ENTHD1: variants seen among roughly 807,000 people sequenced by gnomAD.
ENTHD1 encodes the protein ENTH domain-containing protein 1.
Under a neutral mutation model 39.1 loss-of-function variants are expected in ENTHD1, and 23 were observed. The ratio of observed to expected loss-of-function variants is 0.59; its 90% confidence interval spans 0.42 to 0.83. The LOEUF (loss-of-function observed/expected upper bound fraction) is 0.83, where lower values mean the gene tolerates loss of function less well. Among genes scored for constraint, ENTHD1 ranks in the 40% least tolerant of loss-of-function variants. ENTHD1 has a pLI of 0.00. For synonymous variants in ENTHD1, 230 were observed against 258.2 expected (o/e 0.89, Z 1.05); for missense variants, 624 against 705.4 (o/e 0.88, Z 1.31).
chr22:39,751,489 A>T lies in ENTHD1; in HGVS notation c.1220-7206T>A, dbSNP rs552465230. 3.3e-5 allele frequency among the ~76,000 whole-genome samples: 5 copies of T among 152,362 alleles called. No homozygotes were observed. In the South Asian group the frequency reaches 1.0e-3, roughly 32 times the overall value. ...TGGAAGATCCAGCAATCAACTGGCT[A>T]CTGATGATAATTAGATGTACAGATG... On this transcript the variant is annotated intron_variant, in intron 6 of 6. Coordinates refer to ENST00000325157, the MANE Select transcript of ENTHD1 (RefSeq NM_152512.4).
chr22:39,867,038 G>A lies in ENTHD1; in HGVS notation c.350-5031C>T, dbSNP rs1257282856. Among the ~76,000 whole-genome samples the A allele has an allele frequency of 1.3e-5, 2 of 152,152 alleles. No homozygotes were observed. The highest frequency in any genetic ancestry group is 1.9e-4 in the East Asian group (1 of 5,192). ...CTGCCTCAGCCTCCGGAGTAGCTGG[G>A]ACTACAGGCGCCCGCCACCAGGCCC... On this transcript the variant is annotated intron_variant, in intron 2 of 6. Transcript: ENST00000325157. This position sits in a 1 kb window ranked among gnomAD's most constrained non-coding sequence, Gnocchi z 4.5.
intron 3 of ENTHD1, among the ~76,000 whole-genome samples, chr22:39,849,447 C>G (rs1456070594): frequency 6.6e-6 from 1 of 152,084 alleles, no homozygotes. Flanking sequence ...TGATCTGTTT[C>G]AAAATATCAA....
At chr22:39,881,163 C>A (rs1019146144) in intron 2 of ENTHD1, among the ~76,000 whole-genome samples, 2 of 152,188 alleles carry the variant, frequency 1.3e-5, no homozygotes, top group East Asian at 1.9e-4. Flanking sequence ...TATTTTTAAA[C>A]GCTACGTTAG....
chr22:39,892,610 G>C (rs1238688889), intron 1 of ENTHD1, among the ~76,000 whole-genome samples: 1 of 152,226 alleles, frequency 6.6e-6, no homozygotes, highest in African/African-American at 2.4e-5. Context: ...AAAAGTTTTT[G>C]GATTTCAGGA....
chr22:39,848,222 G>C (rs2066006524), intron 3 of ENTHD1, among the ~76,000 whole-genome samples: 1 of 151,982 alleles, frequency 6.6e-6, no homozygotes, highest in Non-Finnish European at 1.5e-5. Context: ...ACCAGCTAGA[G>C]AAAACTCTCT....
chr22:39,822,183 G>T lies in ENTHD1; in HGVS notation c.712-1070C>A, dbSNP rs569025163. ...AAATCAAGTCTATAGAGTGGGTTTAGCTGGTATGTCTTTTTTTTTTTCTGT... is the reference window on the plus strand; with the variant it reads ...AAATCAAGTCTATAGAGTGGGTTTATCTGGTATGTCTTTTTTTTTTTCTGT... On this transcript the variant is annotated intron_variant, in intron 4 of 6. Transcript: ENST00000325157. 3.6e-4 allele frequency among the ~76,000 whole-genome samples: 54 copies of T among 149,422 alleles called. 1 individual carries two copies. The highest frequency in any genetic ancestry group is 1.2e-3 in the African/African-American group (51 of 41,376).
chr22:39,807,293 T>C (rs749677735), intron 5 of ENTHD1, among the ~76,000 whole-genome samples: 1 of 152,116 alleles, frequency 6.6e-6, no homozygotes, highest in Non-Finnish European at 1.5e-5. Context: ...TCAGACGCAA[T>C]AAAAACTCCT....
chr22:39,750,471 G>A (rs2146533485), intron 6 of ENTHD1: 1 of 154,580 alleles, frequency 6.5e-6, no homozygotes, highest in African/African-American at 2.4e-5. Flanking sequence ...ACAAACCAGT[G>A]AAAAATGATC....
intron 4 of ENTHD1, among the ~76,000 whole-genome samples, chr22:39,828,136 G>T (rs2065840308): frequency 1.3e-5 from 2 of 152,114 alleles, no homozygotes. Context: ...AGACCAGTCA[G>T]GTAAAAGAAA....
intron 5 of ENTHD1, among the ~76,000 whole-genome samples, chr22:39,804,225 C>A (rs2065622465): frequency 6.6e-6 from 1 of 151,950 alleles, no homozygotes; most frequent in Non-Finnish European, 1.5e-5. Context: ...GTGGCTCATG[C>A]CTGTCATCCC....
intron 6 of ENTHD1, among the ~76,000 whole-genome samples, chr22:39,756,955 G>A (rs577556446): frequency 2.0e-5 from 3 of 151,362 alleles, no homozygotes; most frequent in African/African-American, 7.3e-5. Flanking sequence ...GATTGTTTTG[G>A]CTATTCTAGA....
chr22:39,743,648 C>T lies in ENTHD1; in HGVS notation c.*31G>A, dbSNP rs372057225. 9.9e-5 allele frequency: 152 copies of T among 1,542,874 alleles called. 2 individuals carry two copies. The African/African-American group carries it at 1.5e-3, about 15-fold the overall frequency. On this transcript the variant is annotated 3_prime_UTR_variant, in exon 7 of 7. Coordinates refer to ENST00000325157, the MANE Select transcript of ENTHD1 (RefSeq NM_152512.4). ...TAAGTCTTGGGGAAGTGGAACCACA[C>T]GAGTTCTATCAAAAATAGATATTGT...
intron 6 of ENTHD1, among the ~76,000 whole-genome samples, chr22:39,755,600 T>C (rs1401980410): frequency 1.3e-5 from 2 of 152,120 alleles, no homozygotes; most frequent in African/African-American, 2.4e-5. Context: ...GAATGCCCTT[T>C]CTGGAAGGAT....
intron 6 of ENTHD1, among the ~76,000 whole-genome samples, chr22:39,747,703 T>G (rs981973171): frequency 6.6e-6 from 1 of 152,136 alleles, no homozygotes; most frequent in East Asian, 1.9e-4. Context: ...CAGAAAACCT[T>G]AATAATAATA....
chr22:39,860,070 T>C (rs1245827078), intron 3 of ENTHD1, among the ~76,000 whole-genome samples: 1 of 152,172 alleles, frequency 6.6e-6, no homozygotes, highest in Admixed American at 6.5e-5. Context: ...TTACAGGACT[T>C]GTTATTATCT....
chr22:39,776,496 G>A (rs2065366446), intron 5 of ENTHD1, among the ~76,000 whole-genome samples: 1 of 152,166 alleles, frequency 6.6e-6, no homozygotes, highest in Non-Finnish European at 1.5e-5. Flanking sequence ...TTATCATACA[G>A]TGCTTTTATA....
intron 4 of ENTHD1, among the ~76,000 whole-genome samples, chr22:39,825,193 A>ATACTTCAGTATTTTAATTTG (rs1187122131): frequency 3.3e-5 from 5 of 152,328 alleles, no homozygotes; most frequent in African/African-American, 1.2e-4. Context: ...ATTTTAATTT[A>ATACTTCAGTATTTTAATTTG]TACTTCAGTA....
rs570677482 is a variant in ENTHD1, at chr22:39,847,143, G to A, written c.593-11185C>T. ...CCCAAATGTCCAACAATGATAGACT[G>A]GATTAAGAAAATGTGGCACATATAC... On this transcript the variant is annotated intron_variant, in intron 3 of 6. Coordinates refer to ENST00000325157, the MANE Select transcript of ENTHD1 (RefSeq NM_152512.4). Among the ~76,000 whole-genome samples the A allele has an allele frequency of 3.6e-3, 540 of 151,966 alleles. 5 individuals carry two copies. The highest frequency in any genetic ancestry group is 0.011 in the African/African-American group (474 of 41,422).
At chr22:39,781,758 C>A (rs2065411798) in intron 5 of ENTHD1, among the ~76,000 whole-genome samples, 1 of 151,988 alleles carries the variant, frequency 6.6e-6, no homozygotes. Flanking sequence ...AATTGACAAA[C>A]TTTTGGTTAA....
Sources: allele counts gnomAD v4.1 joint callset (sites outside exome capture counted in the v4.1 genomes callset), GRCh38; gene constraint gnomAD v4.1.1; non-coding constraint Gnocchi (gnomAD v3.1); transcripts MANE v1.5; gene names NCBI Gene and HGNC (gene_info 2026-07-23, HGNC 2026-07-21).